PSMC4: variants seen among roughly 807,000 people sequenced by gnomAD.
PSMC4 encodes proteasome 26S subunit, ATPase 4.
A neutral mutation model predicts 48.4 loss-of-function variants in PSMC4; 13 were observed. That is an observed-to-expected ratio of 0.27 (90% CI 0.18 to 0.43). PSMC4 has a LOEUF of 0.43. PSMC4 is among the 20% of genes least tolerant of loss of function. The probability of loss-of-function intolerance (pLI) is 1.00; values close to 1 mark genes in which losing one functional copy is unlikely to be tolerated. For synonymous variants in PSMC4, 202 were observed against 212.3 expected (o/e 0.95, Z 0.42); for missense variants, 262 against 555.9 (o/e 0.47, Z 5.32).
Position 39,972,538 on chromosome 19 carries a change from T to C in PSMC4, c.305T>C (p.Ile102Thr). 6.2e-7 allele frequency: 1 copy of C among 1,613,148 alleles called. No homozygotes were observed. The highest frequency in any genetic ancestry group is 8.5e-7 in the Non-Finnish European group (1 of 1,179,314). ...GAGGCTGTGGATCAGAATACAGCCATCGTGGGCTCTACCACAGGTGTGCTA... is the reference window on the plus strand; with the variant it reads ...GAGGCTGTGGATCAGAATACAGCCACCGTGGGCTCTACCACAGGTGTGCTA... ...FLEAVDQNTA[I>T]VGSTTGSNYY... Residue 102 changes from isoleucine (I) to threonine (T), a missense_variant, in exon 3 of 11, where the codon ATC (isoleucine) becomes ACC (threonine). Coordinates refer to ENST00000157812, the MANE Select transcript of PSMC4 (RefSeq NM_006503.4).
At position 39,980,556 on chromosome 19, in the gene PSMC4, ACCAAGGTC is replaced by A; in HGVS notation, c.1087+104_1088-97del. 1 of 1,588,924 alleles carries A rather than the reference ACCAAGGTC, an allele frequency of 6.3e-7. No homozygotes were observed. The highest frequency in any genetic ancestry group is 8.6e-7 in the Non-Finnish European group (1 of 1,158,330). On this transcript the variant is annotated intron_variant, in intron 9 of 10. Transcript: ENST00000157812. This position sits in a 1 kb window ranked among gnomAD's most constrained non-coding sequence, Gnocchi z 4.8. Reference sequence around the variant, plus strand: ...CCACAGCCCAGACTGTGCAGGTGGGACCAAGGTCCAGGGAGGAGGGGAGGTGACAGAGA... The same window carrying A: ...CCACAGCCCAGACTGTGCAGGTGGGACAGGGAGGAGGGGAGGTGACAGAGA...
chr19:39,972,338 C>T, intron 2 of PSMC4, 31 bp from the exon 3 acceptor site: 2 of 1,611,920 alleles, frequency 1.2e-6, no homozygotes, highest in Non-Finnish European at 8.5e-7. Flanking sequence ...AAGTCTGGAG[C>T]CATCCCCTTC....
intron 6 of PSMC4, among the ~76,000 whole-genome samples, chr19:39,976,256 T>A (rs1175212215): frequency 7.4e-6 from 1 of 135,472 alleles, no homozygotes; most frequent in African/African-American, 2.8e-5. Flanking sequence ...TATATATATA[T>A]ATATATATAT....
chr19:39,972,491 G>A lies in PSMC4; in HGVS notation c.258G>A (p.Pro86=), dbSNP rs559887675. The A allele has an allele frequency of 1.2e-5, 20 of 1,614,100 alleles. 1 individual carries two copies. Among genetic ancestry groups the A allele is most frequent in the East Asian group, 6.7e-5 (3 of 44,880 alleles). Residue 86 remains proline (P), a synonymous_variant, in exon 3 of 11, where the codon CCG becomes CCA. Transcript: ENST00000157812. ...AGGTGAAGCGAATCCAAAGCATCCC[G>A]CTGGTCATCGGACAATTTCTGGAGG... ...QEEVKRIQSI[P]LVIGQFLEAV...
chr19:39,980,725 G>A lies in PSMC4; in HGVS notation c.1143+8G>A. The A allele has an allele frequency of 1.9e-6, 3 of 1,613,714 alleles. No homozygotes were observed. Among genetic ancestry groups the A allele is most frequent in the South Asian group, 2.2e-5 (2 of 91,072 alleles). On this transcript the variant is annotated splice_region_variant and intron_variant, in intron 10 of 10. Transcript: ENST00000157812. The surrounding 1 kb of genome is among the most constrained non-coding windows in gnomAD (Gnocchi z 4.8). Reference sequence around the variant, plus strand: ...AACTCCATCTGTCAGGAGGTAAGTGGTGGTTTCTCTCTGGATCCAGGCAGC... The same window carrying A: ...AACTCCATCTGTCAGGAGGTAAGTGATGGTTTCTCTCTGGATCCAGGCAGC...
chr19:39,981,711 C>G lies in PSMC4; in HGVS notation c.*406C>G, dbSNP rs1971289352. ...AAAGACAGTAAAGAAATTCAGGTCA[C>G]AGGCCTTGGGAGTTCATAGGAAGGA... is the stretch of plus-strand genomic sequence containing the variant. On this transcript the variant is annotated 3_prime_UTR_variant, in exon 11 of 11. Transcript: ENST00000157812. Among the ~76,000 whole-genome samples, 2 of 152,106 alleles carry G rather than the reference C, an allele frequency of 1.3e-5. No homozygotes were observed. Among genetic ancestry groups the G allele is most frequent in the Admixed American group, 1.3e-4 (2 of 15,252 alleles).
At position 39,980,156 on chromosome 19, in the gene PSMC4, T is replaced by A. The variant is rs1317235104; in HGVS notation, c.918+10T>A. On this transcript the variant is annotated intron_variant, in intron 8 of 10. Coordinates refer to ENST00000157812, the MANE Select transcript of PSMC4 (RefSeq NM_006503.4). The surrounding 1 kb of genome is among the most constrained non-coding windows in gnomAD (Gnocchi z 4.8). ...GAATGTCAATGTCAAGGTTTGGGGTTTGGGATGGACAAGGGGAGGTGTGGT... is the reference window on the plus strand; with the variant it reads ...GAATGTCAATGTCAAGGTTTGGGGTATGGGATGGACAAGGGGAGGTGTGGT... The A allele has an allele frequency of 1.9e-6, 3 of 1,613,896 alleles. No homozygotes were observed. The highest frequency in any genetic ancestry group is 3.3e-5 in the Admixed American group (2 of 60,006).
rs1030320313 is a variant in PSMC4 at position 39,972,364 on chromosome 19, C to T, written c.136-5C>T. The T allele has an allele frequency of 2.5e-6, 4 of 1,613,326 alleles. No homozygotes were observed. Among genetic ancestry groups the T allele is most frequent in the East Asian group, 2.2e-5 (1 of 44,870 alleles). Reference sequence around the variant, plus strand: ...CATCCCCTTCTGTCCCCTCTCTGCTCGCAGAAGCTGCAGCAAGAGCTGGAG... The same window carrying T: ...CATCCCCTTCTGTCCCCTCTCTGCTTGCAGAAGCTGCAGCAAGAGCTGGAG... On this transcript the variant is annotated splice_polypyrimidine_tract_variant and splice_region_variant and intron_variant, in intron 2 of 10. Coordinates refer to ENST00000157812, the MANE Select transcript of PSMC4 (RefSeq NM_006503.4).
chr19:39,976,612 C>T (rs2144615761), intron 6 of PSMC4, among the ~76,000 whole-genome samples: 1 of 148,440 alleles, frequency 6.7e-6, no homozygotes, highest in East Asian at 2.1e-4. Flanking sequence ...AGGTTCACAC[C>T]ATTCTCCTGC....
chr19:39,977,149 G>A (rs958866534), intron 6 of PSMC4, among the ~76,000 whole-genome samples: 6 of 151,802 alleles, frequency 4.0e-5, no homozygotes, highest in African/African-American at 7.3e-5. Flanking sequence ...CACTGCACCC[G>A]GCTGTGATTT....
rs1350899193 is a variant in PSMC4, at chr19:39,981,677, C to T, written c.*372C>T. Among the ~76,000 whole-genome samples the T allele has an allele frequency of 6.6e-6, 1 of 152,032 alleles. No homozygotes were observed. The highest frequency in any genetic ancestry group is 2.1e-4 in the South Asian group (1 of 4,820). Reference sequence around the variant, plus strand: ...AAGCCCTGTGCATCTCCCTCATTTCCTACAGGTAAAAGACAGTAAAGAAAT... The same window carrying T: ...AAGCCCTGTGCATCTCCCTCATTTCTTACAGGTAAAAGACAGTAAAGAAAT... On this transcript the variant is annotated 3_prime_UTR_variant, in exon 11 of 11. Transcript: ENST00000157812.
At chr19:39,975,023 G>T (rs1441075568) in intron 6 of PSMC4, among the ~76,000 whole-genome samples, 195 bp downstream of exon 6, 1 of 152,200 alleles carries the variant, frequency 6.6e-6, no homozygotes, top group Non-Finnish European at 1.5e-5. Flanking sequence ...CCCGGTGATA[G>T]TGAGCAGTTA....
At position 39,974,725 on chromosome 19, in the gene PSMC4, T is replaced by C. The variant is rs529039511; in HGVS notation, c.580-10T>C. The C allele has an allele frequency of 3.9e-5, 63 of 1,613,942 alleles. No homozygotes were observed. In the African/African-American group the frequency reaches 7.5e-4, roughly 19 times the overall value. Reference sequence around the variant, plus strand: ...TGACTCCCACTTCTCTTCCTTCCTCTGGGTTTCAGATCGGCATCGATCCCC... The same window carrying C: ...TGACTCCCACTTCTCTTCCTTCCTCCGGGTTTCAGATCGGCATCGATCCCC... On this transcript the variant is annotated splice_polypyrimidine_tract_variant and intron_variant, in intron 5 of 10. Coordinates refer to ENST00000157812, the MANE Select transcript of PSMC4 (RefSeq NM_006503.4). The surrounding 1 kb of genome is among the most constrained non-coding windows in gnomAD (Gnocchi z 5.5).
chr19:39,981,260 G>A lies in PSMC4; in HGVS notation c.1212G>A (p.Lys404=). ...VLAKDFEKAY[K]TVIKKDEQEH... Reference sequence around the variant, plus strand: ...CCAAGGACTTCGAGAAAGCATACAAGACTGTCATCAAGAAGGACGAGCAGG... The same window carrying A: ...CCAAGGACTTCGAGAAAGCATACAAAACTGTCATCAAGAAGGACGAGCAGG... The change falls in exon 11 of 11, where the codon AAG becomes AAA. Residue 404 remains lysine, a synonymous_variant. Transcript: ENST00000157812. 6.2e-7 allele frequency: 1 copy of A among 1,614,108 alleles called. No individual in the cohort carries two copies. Among genetic ancestry groups the A allele is most frequent in the Non-Finnish European group, 8.5e-7 (1 of 1,180,016 alleles).
intron 6 of PSMC4, among the ~76,000 whole-genome samples, chr19:39,978,771 C>T (rs1419044406): frequency 6.6e-6 from 1 of 152,150 alleles, no homozygotes; most frequent in East Asian, 1.9e-4. Flanking sequence ...AATCCCAGCA[C>T]TTTGGAAGGC....
rs1215645007 is a variant in PSMC4, at chr19:39,981,306, C to T, written c.*1C>T. The T allele has an allele frequency of 1.4e-5, 22 of 1,605,482 alleles. No individual in the cohort carries two copies. Among genetic ancestry groups the T allele is most frequent in the Non-Finnish European group, 1.9e-5 (22 of 1,172,210 alleles). Reference sequence around the variant, plus strand: ...GCAGGAGCATGAGTTTTACAAGTGACCCTTCCCTTCCCTCCACCACACCAC... The same window carrying T: ...GCAGGAGCATGAGTTTTACAAGTGATCCTTCCCTTCCCTCCACCACACCAC... On this transcript the variant is annotated 3_prime_UTR_variant, in exon 11 of 11. Coordinates refer to ENST00000157812, the MANE Select transcript of PSMC4 (RefSeq NM_006503.4).
chr19:39,973,788 G>T (rs1278367628), intron 3 of PSMC4, among the ~76,000 whole-genome samples: 1 of 152,150 alleles, frequency 6.6e-6, no homozygotes, highest in Non-Finnish European at 1.5e-5. Flanking sequence ...GGAGAAAGGT[G>T]TGCGATTGTG....
intron 6 of PSMC4, among the ~76,000 whole-genome samples, chr19:39,975,896 C>T (rs1276205281): frequency 2.0e-5 from 3 of 152,142 alleles, no homozygotes; most frequent in Non-Finnish European, 4.4e-5. Flanking sequence ...ACACCTAGAA[C>T]TCAGTCATTC....
In PSMC4 at chr19:39,974,676, G is replaced by A. The variant is rs370386215; in HGVS notation, c.579+43G>A. The A allele has an allele frequency of 8.7e-6, 14 of 1,611,740 alleles. No homozygotes were observed. Among genetic ancestry groups the A allele is most frequent in the African/African-American group, 2.7e-5 (2 of 74,868 alleles). On this transcript the variant is annotated intron_variant, in intron 5 of 10. Coordinates refer to ENST00000157812, the MANE Select transcript of PSMC4 (RefSeq NM_006503.4). The surrounding 1 kb of genome is among the most constrained non-coding windows in gnomAD (Gnocchi z 5.5). ...GCAGGGAAGGGAGAGGCCCCATTGG[G>A]TCTGGGGTTGGAGGTGGAACCCCTG... is the stretch of plus-strand genomic sequence containing the variant.
Sources: gnomAD v4.1 joint callset for allele counts (sites outside exome capture counted in the v4.1 genomes callset) on GRCh38, gnomAD v4.1.1 for gene constraint, Gnocchi (gnomAD v3.1) non-coding constraint, MANE v1.5 for transcripts, NCBI Gene and HGNC (gene_info 2026-07-23, HGNC 2026-07-21) for gene names.